Variants in ILRUN observed in about 807,000 individuals in gnomAD.
ILRUN encodes the protein inflammation and lipid regulator with UBA-like and NBR1-like domains.
ILRUN carries 3 observed loss-of-function variants against 33.8 expected under a neutral mutation model. The ratio of observed to expected loss-of-function variants is 0.09; its 90% CI spans 0.04 to 0.23. The LOEUF is 0.23. ILRUN is among the 10% of genes least tolerant of loss of function. The pLI is 1.00. For synonymous variants in ILRUN, 124 were observed against 138.9 expected, an observed-to-expected ratio of 0.89 and a Z score of 0.75; for missense variants, 210 against 375.1, an observed-to-expected ratio of 0.56 and a Z score of 3.64.
chr6:34,650,777 C>A (rs1406645521), intron 2 of ILRUN, among the ~76,000 whole-genome samples: 2 of 152,014 alleles, frequency 1.3e-5, no homozygotes, highest in African/African-American at 4.8e-5. Context: ...TTAAACAGTG[C>A]GCAACGTTCG....
intron 4 of ILRUN, among the ~76,000 whole-genome samples, chr6:34,598,512 T>A (rs1761446888): frequency 6.6e-6 from 1 of 152,208 alleles, no homozygotes; most frequent in South Asian, 2.1e-4. Context: ...AAATGCTGAA[T>A]TCAGAGTATG....
chr6:34,643,848 G>A (rs573081670), intron 3 of ILRUN, among the ~76,000 whole-genome samples: 5 of 152,218 alleles, frequency 3.3e-5, no homozygotes, highest in South Asian at 2.1e-4. Flanking sequence ...GATTACAGGC[G>A]TGAGCCAACT....
intron 3 of ILRUN, among the ~76,000 whole-genome samples, chr6:34,634,952 T>C (rs1762327149): frequency 6.6e-6 from 1 of 152,150 alleles, no homozygotes; most frequent in Non-Finnish European, 1.5e-5. Flanking sequence ...CCACCAGCCA[T>C]ATGGTGGCTA....
At chr6:34,695,224 A>T (rs1001887467) in intron 1 of ILRUN, among the ~76,000 whole-genome samples, 1 of 152,190 alleles carries the variant, frequency 6.6e-6, no homozygotes. Flanking sequence ...AAGGAATAAA[A>T]GAGAGGTTGG....
intron 1 of ILRUN, among the ~76,000 whole-genome samples, chr6:34,670,903 A>G (rs1763104635): frequency 6.6e-6 from 1 of 151,906 alleles, no homozygotes; most frequent in South Asian, 2.1e-4. Context: ...CACCCCCTAA[A>G]ACTAGTGCTT....
At chr6:34,686,434 A>G (rs1049003622) in intron 1 of ILRUN, among the ~76,000 whole-genome samples, 7 of 150,916 alleles carry the variant, frequency 4.6e-5, no homozygotes, top group Admixed American at 1.3e-4. Flanking sequence ...CAGGAGGCGG[A>G]GCTTGCAGTG....
chr6:34,662,608 T>C (rs1762912845), intron 1 of ILRUN, among the ~76,000 whole-genome samples: 2 of 152,180 alleles, frequency 1.3e-5, no homozygotes, highest in South Asian at 4.1e-4. Flanking sequence ...GGATGAACCT[T>C]GAGGATTTTA....
At chr6:34,678,380 G>A (rs1380218719) in intron 1 of ILRUN, among the ~76,000 whole-genome samples, 1 of 152,028 alleles carries the variant, frequency 6.6e-6, no homozygotes, top group Non-Finnish European at 1.5e-5. Context: ...TTTAGGTTCA[G>A]GGAGTACAAA....
chr6:34,595,871 C>T, intron 4 of ILRUN: 20 of 985,382 alleles, frequency 2.0e-5, no homozygotes, highest in Non-Finnish European at 2.3e-5. Flanking sequence ...CATGAGGACC[C>T]TCCTCTTCCT....
intron 3 of ILRUN, among the ~76,000 whole-genome samples, chr6:34,621,893 G>A (rs1762020445): frequency 6.6e-6 from 1 of 151,710 alleles, no homozygotes; most frequent in Non-Finnish European, 1.5e-5. Flanking sequence ...CTGGCAGAAA[G>A]ACAGACATAT....
At chr6:34,631,223 A>C (rs1410421654) in intron 3 of ILRUN, among the ~76,000 whole-genome samples, 1 of 152,206 alleles carries the variant, frequency 6.6e-6, no homozygotes, top group African/African-American at 2.4e-5. Context: ...TGTAGTAAAG[A>C]AGCCAGTAGT....
At chr6:34,636,578 G>GTAA (rs1762372481) in intron 3 of ILRUN, among the ~76,000 whole-genome samples, 1 of 152,054 alleles carries the variant, frequency 6.6e-6, no homozygotes. Flanking sequence ...GATCCCCAGA[G>GTAA]TAATGTGAGG....
Position 34,592,960 on chromosome 6 carries a change from G to C in ILRUN, c.862-2360C>G, listed in dbSNP as rs11755369. Among the ~76,000 whole-genome samples, 2,496 of 152,250 alleles carry C rather than the reference G, an allele frequency of 0.016. 41 individuals carry two copies. The highest frequency in any genetic ancestry group is 0.025 in the Non-Finnish European group (1,729 of 68,018). On this transcript the variant is annotated intron_variant, in intron 4 of 4. Transcript: ENST00000374023. The surrounding 1 kb of genome is among the most constrained non-coding windows in gnomAD (Gnocchi z 4.0). Reference sequence around the variant, plus strand: ...AGGCCCAGGCGGGAGAACTGCTTGAGGTGAGGAGTTAGGAGATCAGTATGG... The same window carrying C: ...AGGCCCAGGCGGGAGAACTGCTTGACGTGAGGAGTTAGGAGATCAGTATGG...
At position 34,618,939 on chromosome 6, in the gene ILRUN, G is replaced by A. The variant is rs555797523; in HGVS notation, c.512-12035C>T. On this transcript the variant is annotated intron_variant, in intron 3 of 4. Transcript: ENST00000374023. ...TATGGTGCTCTAGAAGCCTAGTGAC[G>A]AGTGTTTCAAGAGGACAGAGGACAG... is the stretch of plus-strand genomic sequence containing the variant. 1.4e-3 allele frequency among the ~76,000 whole-genome samples: 212 copies of A among 152,256 alleles called. 2 individuals are homozygous for A. Among genetic ancestry groups the A allele is most frequent in the African/African-American group, 3.9e-3 (163 of 41,562 alleles).
intron 4 of ILRUN, 132 bp from the exon 5 acceptor site, chr6:34,590,732 T>C (rs1761278118): frequency 2.9e-6 from 2 of 693,560 alleles, no homozygotes; most frequent in South Asian, 3.2e-5. Context: ...CTGAGGGTCT[T>C]TGCCATACAA....
intron 3 of ILRUN, among the ~76,000 whole-genome samples, chr6:34,615,265 A>G (rs1036228289): frequency 6.6e-6 from 1 of 152,256 alleles, no homozygotes; most frequent in African/African-American, 2.4e-5. Context: ...ACATTGGTAC[A>G]GTATTAGAAA....
chr6:34,594,612 A>T (rs920283144), intron 4 of ILRUN, among the ~76,000 whole-genome samples: 2 of 152,196 alleles, frequency 1.3e-5, no homozygotes, highest in Admixed American at 1.3e-4. Flanking sequence ...GCTTTCCCTA[A>T]GCTTTCACTG....
chr6:34,627,333 T>G (rs992474357), intron 3 of ILRUN, among the ~76,000 whole-genome samples: 4 of 152,196 alleles, frequency 2.6e-5, no homozygotes, highest in African/African-American at 4.8e-5. Context: ...GCATCCAAAT[T>G]TTGGCAATTA....
chr6:34,663,991 C>A (rs1421525215), intron 1 of ILRUN, among the ~76,000 whole-genome samples: 2 of 152,060 alleles, frequency 1.3e-5, no homozygotes, highest in Non-Finnish European at 2.9e-5. Context: ...AGTGTAAGAA[C>A]GACTCAGCTT....
Sources: allele counts gnomAD v4.1 joint callset (sites outside exome capture counted in the v4.1 genomes callset), GRCh38; gene constraint gnomAD v4.1.1; non-coding constraint Gnocchi (gnomAD v3.1); transcripts MANE v1.5; gene names NCBI Gene and HGNC (gene_info 2026-07-23, HGNC 2026-07-21).